The following AOX1 variants were observed in gnomAD, a reference collection of about 807,000 sequenced individuals.
AOX1 encodes aldehyde oxidase.
Under a neutral mutation model 169.5 loss-of-function variants are expected in AOX1, and 153 were observed. That is an observed-to-expected ratio of 0.90 (90% CI 0.79 to 1.03). The LOEUF is 1.03. Among genes scored for constraint, AOX1 ranks in the 50% least tolerant of loss-of-function variants. AOX1 has a pLI of 0.00. For synonymous variants in AOX1, 562 were observed against 581.9 expected, an observed-to-expected ratio of 0.97 and a Z score of 0.49; for missense variants, 1,656 against 1,663.9, an observed-to-expected ratio of 1.00 and a Z score of 0.08.
chr2:200,638,407 C>A, intron 23 of AOX1, 105 bp downstream of exon 23: 6 of 958,352 alleles, frequency 6.3e-6, no homozygotes, highest in Admixed American at 2.1e-5. Context: ...TAACAATGAG[C>A]AAATCAAAAA....
chr2:200,601,114 A>C (rs777946142), intron 5 of AOX1, among the ~76,000 whole-genome samples: 33 of 135,080 alleles, frequency 2.4e-4, no homozygotes, highest in Admixed American at 3.8e-4. Context: ...GTTAAGAATG[A>C]GGGGTTTTTT....
At chr2:200,655,361 G>C (rs1408870810) in intron 26 of AOX1, among the ~76,000 whole-genome samples, 1 of 152,128 alleles carries the variant, frequency 6.6e-6, no homozygotes, top group African/African-American at 2.4e-5. Flanking sequence ...AGCCAGCCCT[G>C]GGCTCTCTGT....
rs1242434943 is a variant in AOX1 at position 200,676,907 on chromosome 2, A to C, written c.516A>C (p.Thr172=). The C allele has an allele frequency of 4.7e-5, 22 of 470,836 alleles. No homozygotes were observed. In the Admixed American group the frequency reaches 4.7e-4, roughly 10 times the overall value. The allele number at this position is 470,836 out of a possible 1,614,324, so 29.2% of individuals were successfully genotyped here. A position where few individuals can be genotyped will look rare whatever the true frequency, so the allele number is the denominator to read the frequency against. Residue 172 remains threonine, a synonymous_variant, in exon 5 of 5, where the codon ACA becomes ACC. Coordinates refer to the AOX1 transcript ENST00000439380. Reference sequence around the variant, plus strand: ...CACATGGCAAGCCTGTCAGGCGGACACAGGAACAGGTGCTTTTGATACAAC... The same window carrying C: ...CACATGGCAAGCCTGTCAGGCGGACCCAGGAACAGGTGCTTTTGATACAAC...
At chr2:200,675,026 G>A (rs892042442), downstream of AOX1, among the ~76,000 whole-genome samples, 1 of 152,212 alleles carries the variant, frequency 6.6e-6, no homozygotes, top group African/African-American at 2.4e-5. Context: ...GCCTGGGAGT[G>A]AGTGCATGAC....
chr2:200,605,432 T>C (rs2034493678), intron 9 of AOX1, 104 bp from the exon 10 acceptor site: 2 of 461,972 alleles, frequency 4.3e-6, no homozygotes, highest in East Asian at 6.9e-5. Flanking sequence ...ATACAATATT[T>C]TTAGATATTT....
chr2:200,675,876 G>A (rs1018714127), downstream of AOX1, among the ~76,000 whole-genome samples: 2 of 147,304 alleles, frequency 1.4e-5, no homozygotes, highest in African/African-American at 5.0e-5. Context: ...TTGGTGCAAA[G>A]GTAATTGCAC....
chr2:200,663,567 C>CAT (rs2035868886), intron 31 of AOX1, among the ~76,000 whole-genome samples: 1 of 130,598 alleles, frequency 7.7e-6, no homozygotes, highest in African/African-American at 2.8e-5. Flanking sequence ...CACACACACA[C>CAT]ACACACTCTC....
downstream of AOX1, among the ~76,000 whole-genome samples, chr2:200,681,893 A>G (rs1044980123): frequency 2.6e-5 from 4 of 152,022 alleles, no homozygotes; most frequent in Non-Finnish European, 5.9e-5. Flanking sequence ...TTATGTATTT[A>G]GAGCTAGCCA....
chr2:200,600,709 C>A (rs1424706763), intron 5 of AOX1, among the ~76,000 whole-genome samples: 1 of 152,106 alleles, frequency 6.6e-6, no homozygotes, highest in Non-Finnish European at 1.5e-5. Context: ...AGACATCGCT[C>A]ATAAACTGTC....
At chr2:200,589,122 G>T (rs1574901418) in intron 1 of AOX1, among the ~76,000 whole-genome samples, 1 of 152,266 alleles carries the variant, frequency 6.6e-6, no homozygotes, top group South Asian at 2.1e-4. Context: ...TAGGTGACAT[G>T]ATTGGCTTCT....
intron 16 of AOX1, among the ~76,000 whole-genome samples, chr2:200,617,744 A>G (rs16833885): frequency 0.15 from 23,527 of 152,140 alleles, 1,978 homozygotes; most frequent in South Asian, 0.26. Context: ...TCAGGATGAA[A>G]AAACTTCTTA....
chr2:200,668,721 C>T lies in AOX1; in HGVS notation c.3716C>T (p.Pro1239Leu). The change falls in exon 33 of 35, where the codon CCT (proline) becomes CTT (leucine). Residue 1239 changes from proline to leucine, a missense_variant. Physicochemically the swap from Pro to Leu is moderately conservative, Grantham distance 98 (BLOSUM62 -3). Coordinates refer to ENST00000374700, the MANE Select transcript of AOX1 (RefSeq NM_001159.4). Reference protein sequence around the residue: ...HTRGPDQYKIPAICDMPTELH... With the variant: ...HTRGPDQYKILAICDMPTELH... ...CGTGGTCCAGACCAATATAAAATCCCTGCCATCTGTGACATGCCCACGGAG... is the reference window on the plus strand; with the variant it reads ...CGTGGTCCAGACCAATATAAAATCCTTGCCATCTGTGACATGCCCACGGAG... 3 of 1,614,194 alleles carry T rather than the reference C, an allele frequency of 1.9e-6. No homozygotes were observed. Among genetic ancestry groups the T allele is most frequent in the Non-Finnish European group, 1.7e-6 (2 of 1,180,034 alleles).
chr2:200,621,008 T>C, intron 17 of AOX1, 112 bp from the exon 18 acceptor site: 1 of 1,401,752 alleles, frequency 7.1e-7, no homozygotes, highest in Non-Finnish European at 9.7e-7. Context: ...TTCCCAATTG[T>C]CTGGCAGAGA....
rs180936270 is a variant in AOX1 at position 200,630,341 on chromosome 2, G to A, written c.2221+2892G>A. 4.0e-5 allele frequency among the ~76,000 whole-genome samples: 6 copies of A among 151,752 alleles called. No individual in the cohort carries two copies. The East Asian group carries it at 1.2e-3, about 29-fold the overall frequency. On this transcript the variant is annotated intron_variant, in intron 20 of 34. Transcript: ENST00000374700. Reference sequence around the variant, plus strand: ...AGTTTGAGTCCAGCCTGGGCAATATGGCAAAACCCTGTCTCCAATAAAAAT... The same window carrying A: ...AGTTTGAGTCCAGCCTGGGCAATATAGCAAAACCCTGTCTCCAATAAAAAT...
At chr2:200,603,418 CT>C in intron 7 of AOX1, 62 bp downstream of exon 7, 1 of 1,344,030 alleles carries the variant, frequency 7.4e-7, no homozygotes, top group African/African-American at 1.4e-5. Context: ...CCAACATACT[CT>C]TAGGAAGAAC....
intron 10 of AOX1, among the ~76,000 whole-genome samples, chr2:200,608,678 C>T (rs2034566470): frequency 6.6e-6 from 1 of 152,010 alleles, no homozygotes; most frequent in Non-Finnish European, 1.5e-5. Context: ...TCAAAGAATT[C>T]AGCCTTCATT....
At chr2:200,604,582 A>AT in intron 8 of AOX1, 114 bp from the exon 9 acceptor site, 1 of 1,171,774 alleles carries the variant, frequency 8.5e-7, no homozygotes, top group Non-Finnish European at 1.2e-6. Context: ...TTTGTACTTT[A>AT]TTTTTTAGAA....
chr2:200,668,891 G>A, intron 33 of AOX1, 88 bp downstream of exon 33: 1 of 1,140,682 alleles, frequency 8.8e-7, no homozygotes, highest in East Asian at 2.7e-5. Context: ...GGCTGTTTGG[G>A]ATTTTTACCA....
intron 32 of AOX1, among the ~76,000 whole-genome samples, chr2:200,668,404 C>T (rs1006108100): frequency 5.3e-5 from 8 of 152,100 alleles, no homozygotes; most frequent in African/African-American, 1.2e-4. Context: ...CCACCACGCC[C>T]GGCTGACTTT....
Sources: gnomAD v4.1 joint callset for allele counts (sites outside exome capture counted in the v4.1 genomes callset) on GRCh38, gnomAD v4.1.1 for gene constraint, MANE v1.5 for transcripts, NCBI Gene and HGNC (gene_info 2026-07-23, HGNC 2026-07-21) for gene names.